Variants in STEAP2 observed in about 807,000 individuals in gnomAD.
STEAP2 encodes the protein STEAP2 metalloreductase.
In STEAP2, 30 loss-of-function variants were observed where a neutral mutation model predicts 46.4. That is an observed-to-expected ratio of 0.65 (90% CI 0.48 to 0.88). The LOEUF is 0.88. Among genes scored for constraint, STEAP2 ranks in the 40% least tolerant of loss-of-function variants. STEAP2 has a pLI of 0.00. For synonymous variants in STEAP2, 180 were observed against 200.5 expected (o/e 0.90, Z 0.86); for missense variants, 513 against 579.3 (o/e 0.89, Z 1.18).
intron 5 of STEAP2, among the ~76,000 whole-genome samples, chr7:90,230,740 C>T (rs1161721620): frequency 6.6e-6 from 1 of 151,844 alleles, no homozygotes; most frequent in Admixed American, 6.6e-5. Context: ...CCTATATTTT[C>T]ACAAAATCTG....
At chr7:90,223,628 T>G (rs1386788613) in intron 2 of STEAP2, among the ~76,000 whole-genome samples, 1 of 152,204 alleles carries the variant, frequency 6.6e-6, no homozygotes, top group African/African-American at 2.4e-5. Context: ...CCTCTGCCTG[T>G]CCTTGACCAA....
Position 90,232,506 on chromosome 7 carries a change from C to A in STEAP2, c.1355C>A (p.Pro452Gln), listed in dbSNP as rs1193035874. 1 of 1,613,694 alleles carries A rather than the reference C, an allele frequency of 6.2e-7. No individual in the cohort carries two copies. The change falls in exon 6 of 6, where the codon CCA (proline) becomes CAA (glutamine). Residue 452 changes from proline to glutamine, a missense_variant. Transcript: ENST00000394621. ...CTGGGTAAGATTATTTTATTCCTTCCATGTATAAGCCGAAAGCTAAAACGA... is the reference window on the plus strand; with the variant it reads ...CTGGGTAAGATTATTTTATTCCTTCAATGTATAAGCCGAAAGCTAAAACGA... ...VILGKIILFL[P>Q]CISRKLKRIK... is the part of the protein sequence containing the mutation.
chr7:90,241,068 A>G (rs1796053358), downstream of STEAP2, among the ~76,000 whole-genome samples: 1 of 152,238 alleles, frequency 6.6e-6, no homozygotes, highest in Non-Finnish European at 1.5e-5. Flanking sequence ...ATTTGGGAAC[A>G]AAGGACTTGG....
chr7:90,219,238 T>C (rs948171713), intron 2 of STEAP2, among the ~76,000 whole-genome samples: 12 of 152,274 alleles, frequency 7.9e-5, no homozygotes, highest in African/African-American at 2.9e-4. Flanking sequence ...AGAGGGATAA[T>C]TTGACCTTCC....
downstream of STEAP2, among the ~76,000 whole-genome samples, chr7:90,238,679 T>C (rs1191417942): frequency 1.3e-5 from 2 of 152,222 alleles, no homozygotes; most frequent in Non-Finnish European, 2.9e-5. Flanking sequence ...TCAGAGATAG[T>C]ACTCCCCATA....
chr7:90,236,584 A>C lies in STEAP2; in HGVS notation c.*3960A>C. 1.9e-6 allele frequency: 2 copies of C among 1,079,436 alleles called. No homozygotes were observed. The highest frequency in any genetic ancestry group is 7.5e-5 in the East Asian group (1 of 13,388). The allele number at this position is 1,079,436 out of a possible 1,614,324, so 66.9% of individuals were successfully genotyped here. On this transcript the variant is annotated 3_prime_UTR_variant, in exon 6 of 6. Transcript: ENST00000394621. ...ACTCAATCTGTTTTTACCTTTAAAC[A>C]GTGAATTTTACATGAATGAATGGGT...
Position 90,234,960 on chromosome 7 carries a change from G to C in STEAP2, c.*2336G>C, listed in dbSNP as rs1410272863. On this transcript the variant is annotated 3_prime_UTR_variant, in exon 6 of 6. Transcript: ENST00000394621. Reference sequence around the variant, plus strand: ...CTTGGTAGGAATTCAGTTGGGCAATGATAACTTTTATGGGCAAAAACATTC... The same window carrying C: ...CTTGGTAGGAATTCAGTTGGGCAATCATAACTTTTATGGGCAAAAACATTC... The C allele has an allele frequency of 1.0e-6, 1 of 981,134 alleles. No individual in the cohort carries two copies. Among genetic ancestry groups the C allele is most frequent in the African/African-American group, 1.7e-5 (1 of 57,144 alleles). 60.8% of individuals were successfully genotyped at this position (981,134 alleles called of 1,614,324 possible). A position where few individuals can be genotyped will look rare whatever the true frequency, so the allele number is the denominator to read the frequency against.
In STEAP2 at chr7:90,233,773, C is replaced by T. The variant is rs529624723; in HGVS notation, c.*1149C>T. The stretch of plus-strand genomic sequence containing the variant: ...TTTAACCACTAGGCTCTAGAGCTCC[C>T]GCCGCGCCCCTATGCATTATGTTCA... On this transcript the variant is annotated 3_prime_UTR_variant, in exon 6 of 6. Coordinates refer to ENST00000394621, the MANE Select transcript of STEAP2 (RefSeq NM_001244944.2). 7.5e-4 allele frequency: 735 copies of T among 985,342 alleles called. 2 individuals are homozygous for T. The highest frequency in any genetic ancestry group is 6.8e-3 in the Middle Eastern group (13 of 1,914). The allele number at this position is 985,342 out of a possible 1,614,324, so 61.0% of individuals were successfully genotyped here.
At chr7:90,213,863 A>G (rs993660861) in intron 1 of STEAP2, 1 of 152,250 alleles carries the variant, frequency 6.6e-6, no homozygotes, top group Non-Finnish European at 1.5e-5. Flanking sequence ...CTCCCAAGGT[A>G]CATAAAGTGG....
At chr7:90,238,058 A>G (rs970160589), downstream of STEAP2, 2 of 717,316 alleles carry the variant, frequency 2.8e-6, no homozygotes, top group African/African-American at 3.5e-5. Context: ...AGCCATGCCT[A>G]CATCCTCTTG....
Position 90,236,153 on chromosome 7 carries a change from A to T in STEAP2, c.*3529A>T. On this transcript the variant is annotated 3_prime_UTR_variant, in exon 6 of 6. Coordinates refer to ENST00000394621, the MANE Select transcript of STEAP2 (RefSeq NM_001244944.2). ...TAATTCTTCTAAATTACCACTTGCC[A>T]TTAAGCTATTTCATAATAAATTCTG... 1 of 693,906 alleles carries T rather than the reference A, an allele frequency of 1.4e-6. No homozygotes were observed. Among genetic ancestry groups the T allele is most frequent in the Non-Finnish European group, 1.8e-6 (1 of 565,312 alleles). The allele number at this position is 693,906 out of a possible 1,614,324, so 43.0% of individuals were successfully genotyped here.
In STEAP2 at chr7:90,236,699, C is replaced by A. The variant is rs529990436; in HGVS notation, c.*4075C>A. The A allele has an allele frequency of 2.7e-4, 370 of 1,383,042 alleles. 8 individuals carry two copies. The South Asian group carries it at 6.0e-3, about 23-fold the overall frequency. 85.7% of individuals were successfully genotyped at this position (1,383,042 alleles called of 1,614,324 possible). A position where few individuals can be genotyped will look rare whatever the true frequency, so the allele number is the denominator to read the frequency against. On this transcript the variant is annotated 3_prime_UTR_variant, in exon 6 of 6. Coordinates refer to ENST00000394621, the MANE Select transcript of STEAP2 (RefSeq NM_001244944.2). ...TGTTACTAAAAAATGTTTTGTTCAG[C>A]CTAACATACTGAGTTTTTTTTAACT...
intron 3 of STEAP2, 55 bp downstream of exon 3, chr7:90,225,629 T>C: frequency 6.7e-7 from 1 of 1,492,150 alleles, no homozygotes; most frequent in Non-Finnish European, 8.9e-7. Flanking sequence ...GTTAAACAAC[T>C]AAGCAAATAT....
intron 3 of STEAP2, 27 bp downstream of exon 3, chr7:90,225,601 T>C (rs1795455171): frequency 2.0e-6 from 3 of 1,534,902 alleles, no homozygotes; most frequent in African/African-American, 1.4e-5. Context: ...TTTATTCTTA[T>C]GTATCTGGTA....
chr7:90,212,133 C>G (rs1296041292), intron 1 of STEAP2, 88 bp downstream of exon 1: 1 of 152,456 alleles, frequency 6.6e-6, no homozygotes, highest in Non-Finnish European at 1.5e-5. Flanking sequence ...CTGCATCCAT[C>G]CTCCCCGATT....
chr7:90,239,083 T>C (rs1217252529), downstream of STEAP2, among the ~76,000 whole-genome samples: 4 of 152,346 alleles, frequency 2.6e-5, no homozygotes, highest in Admixed American at 2.6e-4. Context: ...GGATCTGTTA[T>C]GGGCTGAACT....
chr7:90,233,938 CT>C lies in STEAP2; in HGVS notation c.*1315del, dbSNP rs1407381434. The C allele has an allele frequency of 2.0e-6, 2 of 985,220 alleles. No individual in the cohort carries two copies. Among genetic ancestry groups the C allele is most frequent in the African/African-American group, 3.5e-5 (2 of 57,198 alleles). 61.0% of individuals were successfully genotyped at this position (985,220 alleles called of 1,614,324 possible). A position where few individuals can be genotyped will look rare whatever the true frequency, so the allele number is the denominator to read the frequency against. On this transcript the variant is annotated 3_prime_UTR_variant, in exon 6 of 6. Coordinates refer to ENST00000394621, the MANE Select transcript of STEAP2 (RefSeq NM_001244944.2). ...GTAGGGTAATTCACAGTTACTTACCCTATTCTTGCTTGGAACATGAGCCTGG... is the reference window on the plus strand; with the variant it reads ...GTAGGGTAATTCACAGTTACTTACCCATTCTTGCTTGGAACATGAGCCTGG...
At chr7:90,223,782 A>G (rs905174465) in intron 2 of STEAP2, among the ~76,000 whole-genome samples, 2 of 152,236 alleles carry the variant, frequency 1.3e-5, no homozygotes, top group African/African-American at 4.8e-5. Context: ...GGTGAATGAT[A>G]GAAGTCCATG....
chr7:90,225,415 A>G lies in STEAP2; in HGVS notation c.333A>G (p.Lys111=). The change falls in exon 3 of 6, where the codon AAA becomes AAG. Residue 111 remains lysine, a synonymous_variant. Coordinates refer to ENST00000394621, the MANE Select transcript of STEAP2 (RefSeq NM_001244944.2). ...LWDLRHLLVG[K]ILIDVSNNMR... is the part of the protein sequence containing the mutation. The stretch of plus-strand genomic sequence containing the variant: ...ACCTGAGACATCTGCTTGTGGGTAA[A>G]ATCCTGATTGATGTGAGCAATAACA... 2.5e-6 allele frequency: 4 copies of G among 1,613,842 alleles called. No individual in the cohort carries two copies. The highest frequency in any genetic ancestry group is 3.4e-6 in the Non-Finnish European group (4 of 1,179,924).
Sources: gnomAD v4.1 joint callset for allele counts (sites outside exome capture counted in the v4.1 genomes callset) on GRCh38, gnomAD v4.1.1 for gene constraint, MANE v1.5 for transcripts, NCBI Gene and HGNC (gene_info 2026-07-23, HGNC 2026-07-21) for gene names.